TAOK2: variants seen among roughly 807,000 people sequenced by gnomAD.
TAOK2 encodes the protein serine/threonine-protein kinase TAO2.
Under a neutral mutation model 122.5 loss-of-function variants are expected in TAOK2, and 42 were observed. The ratio of observed to expected loss-of-function variants is 0.34; its 90% confidence interval spans 0.27 to 0.44. The LOEUF (loss-of-function observed/expected upper bound fraction) is 0.44, where lower values mean the gene tolerates loss of function less well. Among genes scored for constraint, TAOK2 ranks in the 20% least tolerant of loss-of-function variants. The pLI, the probability that TAOK2 is intolerant of heterozygous loss-of-function variation, is 1.00. For synonymous variants in TAOK2, 704 were observed against 677.6 expected (o/e 1.04, Z -0.61); for missense variants, 1,264 against 1,644.9 (o/e 0.77, Z 4.01).
At position 29,987,239 on chromosome 16, in the gene TAOK2, G is replaced by C; in HGVS notation, c.2967G>C (p.Leu989=). 3.3e-6 allele frequency: 5 copies of C among 1,537,348 alleles called. No individual in the cohort carries two copies. Among genetic ancestry groups the C allele is most frequent in the Non-Finnish European group, 4.4e-6 (5 of 1,147,818 alleles). The change falls in exon 16 of 16, where the codon CTG becomes CTC. Residue 989 remains leucine (L), a synonymous_variant. Coordinates refer to ENST00000308893, the MANE Select transcript of TAOK2 (RefSeq NM_016151.4). ...GTGGGGGTGGCCTGCAGGCAGCGCTGCTGGCCCTTGAGGTGGGGCTGGTGG... is the reference window on the plus strand; with the variant it reads ...GTGGGGGTGGCCTGCAGGCAGCGCTCCTGGCCCTTGAGGTGGGGCTGGTGG... ...AQGGGGLQAA[L]LALEVGLVGL...
downstream of TAOK2, chr16:29,991,780 C>A: frequency 2.0e-6 from 1 of 495,538 alleles, no homozygotes; most frequent in Non-Finnish European, 3.3e-6. The surrounding 1 kb of genome is among the most constrained non-coding windows in gnomAD (Gnocchi z 5.6). Context: ...CTGGGAGCCC[C>A]GCCTCCCTAC....
In TAOK2 at chr16:29,977,786, G is replaced by C; in HGVS notation, c.14G>C (p.Gly5Ala). 6.2e-7 allele frequency: 1 copy of C among 1,614,118 alleles called. No homozygotes were observed. Among genetic ancestry groups the C allele is most frequent in the South Asian group, 1.1e-5 (1 of 91,082 alleles). Residue 5 changes from glycine to alanine, a missense_variant, in exon 2 of 16, where the codon GGC (glycine) becomes GCC (alanine). Coordinates refer to ENST00000308893, the MANE Select transcript of TAOK2 (RefSeq NM_016151.4). Reference protein sequence around the residue: MPAGGRAGSLKDPDV... With the variant: MPAGARAGSLKDPDV... The stretch of plus-strand genomic sequence containing the variant: ...CCAGGGGCCACCATGCCAGCTGGGG[G>C]CCGGGCCGGGAGCCTGAAGGACCCA...
chr16:29,975,166 C>T (rs2150876399), intron 1 of TAOK2, among the ~76,000 whole-genome samples: 1 of 152,148 alleles, frequency 6.6e-6, no homozygotes, highest in East Asian at 1.9e-4. Context: ...ATGTTTTCCC[C>T]CAGCTGCAGT....
At position 29,983,536 on chromosome 16, in the gene TAOK2, C is replaced by G. The variant is rs1315154656; in HGVS notation, c.1294C>G (p.Pro432Ala). The change falls in exon 13 of 16, where the codon CCA becomes GCA. Residue 432 changes from proline (P) to alanine (A), a missense_variant. By Grantham distance (27) the Pro-to-Ala change is conservative (BLOSUM62 -1). Around this residue, in one of 4 missense-constraint regions of TAOK2, gnomAD observed 122 missense variants for 116.7 expected, o/e 1.04. Coordinates refer to ENST00000308893, the MANE Select transcript of TAOK2 (RefSeq NM_016151.4). ...SDNLYDDPYQ[P>A]EITPSPLQPP... Reference sequence around the variant, plus strand: ...CAACCTATATGATGACCCCTACCAGCCAGAGATAACCCCCAGCCCTCTCCA... The same window carrying G: ...CAACCTATATGATGACCCCTACCAGGCAGAGATAACCCCCAGCCCTCTCCA... 1.9e-6 allele frequency: 3 copies of G among 1,613,654 alleles called. No individual in the cohort carries two copies. The highest frequency in any genetic ancestry group is 2.2e-5 in the South Asian group (2 of 91,014).
rs1340591035 is a variant in TAOK2, at chr16:29,974,220, T to C, written c.-464T>C. On this transcript the variant is annotated 5_prime_UTR_variant, in exon 1 of 16. Transcript: ENST00000308893. ...TTCTCAGATACCCGGGTAACAGTCC[T>C]CATAGTCCAGATATCCGGGACTCGG... 1 of 152,408 alleles carries C rather than the reference T, an allele frequency of 6.6e-6. No individual in the cohort carries two copies. The highest frequency in any genetic ancestry group is 2.4e-5 in the African/African-American group (1 of 41,434). 9.4% of individuals were successfully genotyped at this position (152,408 alleles called of 1,614,324 possible).
intron 8 of TAOK2, chr16:29,980,727 G>A (rs778343401): frequency 5.3e-5 from 8 of 152,138 alleles, no homozygotes; most frequent in Non-Finnish European, 7.3e-5. Context: ...GAAAAAGCTA[G>A]ATCTGTCCAT....
downstream of TAOK2, chr16:29,989,557 C>T (rs1483805266): frequency 6.2e-7 from 1 of 1,610,878 alleles, no homozygotes; most frequent in Non-Finnish European, 8.5e-7. Flanking sequence ...CTCTTCCCCG[C>T]TGCCCCCATC....
In TAOK2 at chr16:29,978,292, A is replaced by T. The variant is rs750331994; in HGVS notation, c.245A>T (p.Lys82Met). 6.2e-7 allele frequency: 1 copy of T among 1,614,052 alleles called. No homozygotes were observed. Among genetic ancestry groups the T allele is most frequent in the South Asian group, 1.1e-5 (1 of 91,066 alleles). Residue 82 changes from lysine (K) to methionine (M), a missense_variant, in exon 4 of 16, where the codon AAG becomes ATG. Transcript: ENST00000308893. Reference sequence around the variant, plus strand: ...ATCAAGGAGGTGCGGTTCTTACAGAAGCTCCGGCATCCCAACACCATTCAG... The same window carrying T: ...ATCAAGGAGGTGCGGTTCTTACAGATGCTCCGGCATCCCAACACCATTCAG... The part of the protein sequence containing the change: ...DIIKEVRFLQ[K>M]LRHPNTIQYR...
downstream of TAOK2, chr16:29,991,328 G>A (rs761057033): frequency 1.4e-5 from 23 of 1,605,890 alleles, no homozygotes; most frequent in Non-Finnish European, 1.4e-5. This position sits in a 1 kb window ranked among gnomAD's most constrained non-coding sequence, Gnocchi z 5.6. Flanking sequence ...GGCGTCAGCC[G>A]TCTCTGCTGG....
chr16:29,978,912 G>C, intron 5 of TAOK2, 62 bp from the exon 6 acceptor site: 14 of 1,613,472 alleles, frequency 8.7e-6, no homozygotes, highest in Admixed American at 1.7e-5. Context: ...AAGGGTTAAG[G>C]GGAGTTTATT....
At position 29,983,078 on chromosome 16, in the gene TAOK2, G is replaced by A; in HGVS notation, c.1006G>A (p.Glu336Lys). Residue 336 changes from glutamate to lysine, a missense_variant, in exon 12 of 16, where the codon GAG (glutamate) becomes AAG (lysine). Glu to Lys is a moderately conservative substitution (Grantham distance 56, BLOSUM62 1). Transcript: ENST00000308893. ...GCCTACGCCCTGTTCGCAGGAGGCC[G>A]AGCCCTACATGCACCGGGCCGGGAC... ...AEAPEEEEEA[E>K]PYMHRAGTLT... 6 of 1,613,900 alleles carry A rather than the reference G, an allele frequency of 3.7e-6. No homozygotes were observed. Among genetic ancestry groups the A allele is most frequent in the East Asian group, 2.2e-5 (1 of 44,874 alleles).
chr16:29,986,210 C>G lies in TAOK2; in HGVS notation c.1993-55C>G, dbSNP rs1421993068. 2 of 1,504,052 alleles carry G rather than the reference C, an allele frequency of 1.3e-6. No individual in the cohort carries two copies. Among genetic ancestry groups the G allele is most frequent in the African/African-American group, 1.4e-5 (1 of 71,214 alleles). The allele number at this position is 1,504,052 out of a possible 1,614,324, so 93.2% of individuals were successfully genotyped here. A position where few individuals can be genotyped will look rare whatever the true frequency, so the allele number is the denominator to read the frequency against. The stretch of plus-strand genomic sequence containing the variant: ...GCTCCCTCTGCCAAGGAGCCCTGGC[C>G]TCTCACTTCCTTGATACTGACCAGG... On this transcript the variant is annotated intron_variant, in intron 15 of 15. Transcript: ENST00000308893. The surrounding 1 kb of genome is among the most constrained non-coding windows in gnomAD (Gnocchi z 4.2).
In TAOK2 at chr16:29,979,995, A is replaced by G. The variant is rs1167316702; in HGVS notation, c.655+487A>G. Among the ~76,000 whole-genome samples the G allele has an allele frequency of 6.6e-6, 1 of 152,216 alleles. No individual in the cohort carries two copies. The highest frequency in any genetic ancestry group is 1.9e-4 in the East Asian group (1 of 5,204). On this transcript the variant is annotated intron_variant, in intron 8 of 15. Coordinates refer to ENST00000308893, the MANE Select transcript of TAOK2 (RefSeq NM_016151.4). The surrounding 1 kb of genome is among the most constrained non-coding windows in gnomAD (Gnocchi z 4.1). ...GAAGCCAACCTGCAAGATAAATAAT[A>G]GCTGTTTGCAGAATGTAGGGAAGAG...
chr16:29,983,481 T>C (rs1441379017), intron 12 of TAOK2, 22 bp from the exon 13 acceptor site: 1 of 1,594,444 alleles, frequency 6.3e-7, no homozygotes, highest in East Asian at 2.2e-5. Context: ...GAGCCTTGGG[T>C]GTTCCTTCTA....
At chr16:29,981,572 G>C in intron 8 of TAOK2, 89 bp from the exon 9 acceptor site, 1 of 1,173,766 alleles carries the variant, frequency 8.5e-7, no homozygotes, top group South Asian at 1.2e-5. Flanking sequence ...CAAGGAATTG[G>C]GGTTTGAACC....
intron 8 of TAOK2, 31 bp from the exon 9 acceptor site, chr16:29,981,630 T>G: frequency 6.2e-7 from 1 of 1,609,070 alleles, no homozygotes; most frequent in Non-Finnish European, 8.5e-7. Flanking sequence ...CTGCCACCTC[T>G]CACCTTCTTC....
At chr16:29,980,238 G>C (rs1330664394) in intron 8 of TAOK2, 1 of 152,200 alleles carries the variant, frequency 6.6e-6, no homozygotes, top group Non-Finnish European at 1.5e-5. Flanking sequence ...TCTTTAATGA[G>C]GTAGGTAACC....
chr16:29,975,026 T>C (rs890360242), intron 1 of TAOK2, among the ~76,000 whole-genome samples: 1 of 152,196 alleles, frequency 6.6e-6, no homozygotes, highest in African/African-American at 2.4e-5. Context: ...CCCATGCCTC[T>C]GATTCCCATG....
At chr16:29,978,901 G>A (rs1040608978) in intron 5 of TAOK2, 57 bp downstream of exon 5, 141 of 1,613,514 alleles carry the variant, frequency 8.7e-5, no homozygotes, top group Non-Finnish European at 1.1e-4. Context: ...GAGCCATAGG[G>A]AAGGGTTAAG....
Sources: allele counts gnomAD v4.1 joint callset (sites outside exome capture counted in the v4.1 genomes callset), GRCh38; gene constraint gnomAD v4.1.1; regional missense constraint gnomAD v4.1.1; non-coding constraint Gnocchi (gnomAD v3.1); transcripts MANE v1.5; gene names NCBI Gene and HGNC (gene_info 2026-07-23, HGNC 2026-07-21).